LRRC1: variants seen among roughly 807,000 people sequenced by gnomAD.
LRRC1 encodes leucine rich repeat containing 1.
In LRRC1, 28 loss-of-function variants were observed where a neutral mutation model predicts 69.9. The ratio of observed to expected loss-of-function variants is 0.40; its 90% confidence interval spans 0.30 to 0.55. LRRC1 has a LOEUF of 0.55. Ranked by LOEUF, LRRC1 falls within the 20% of genes least tolerant of loss-of-function variation. The pLI is 0.47. For synonymous variants in LRRC1, 236 were observed against 240.2 expected, an observed-to-expected ratio of 0.98 and a Z score of 0.16; for missense variants, 498 against 609.0, an observed-to-expected ratio of 0.82 and a Z score of 1.92.
intron 7 of LRRC1, among the ~76,000 whole-genome samples, chr6:53,897,587 T>C (rs1040821566): frequency 6.6e-6 from 1 of 152,204 alleles, no homozygotes; most frequent in Non-Finnish European, 1.5e-5. Flanking sequence ...ATATTTCCTT[T>C]AGTTTGTAAA....
chr6:53,889,716 G>A (rs780747631), intron 4 of LRRC1, among the ~76,000 whole-genome samples: 3 of 152,094 alleles, frequency 2.0e-5, no homozygotes, highest in Non-Finnish European at 4.4e-5. Context: ...TAGTGGTGAT[G>A]TTTCTATACC....
Position 53,795,398 on chromosome 6 carries a change from C to G in LRRC1, c.142C>G (p.Leu48Val), listed in dbSNP as rs1283050409. 6.2e-7 allele frequency: 1 copy of G among 1,612,618 alleles called. No individual in the cohort carries two copies. The highest frequency in any genetic ancestry group is 1.3e-5 in the African/African-American group (1 of 75,052). ...LEELLLDANQ[L>V]RELPEQFFQL... ...GGAGCTGCTGCTGGACGCCAACCAG[C>G]TCCGCGAGCTGCCCGAGGTAAGGGT... is the stretch of plus-strand genomic sequence containing the variant. Residue 48 changes from leucine to valine, a missense_variant, in exon 1 of 14, where the codon CTC (leucine) becomes GTC (valine). Coordinates refer to ENST00000370888, the MANE Select transcript of LRRC1 (RefSeq NM_018214.5).
Position 53,840,889 on chromosome 6 carries a change from T to C in LRRC1, c.160-1221T>C, listed in dbSNP as rs1045253787. Reference sequence around the variant, plus strand: ...TGGGGTGGGGGGGTATGTGTTTGTGTGTGTGTGTGTGTGTGTGTGTGTGTG... The same window carrying C: ...TGGGGTGGGGGGGTATGTGTTTGTGCGTGTGTGTGTGTGTGTGTGTGTGTG... On this transcript the variant is annotated intron_variant, in intron 1 of 13. Transcript: ENST00000370888. 6.0e-4 allele frequency among the ~76,000 whole-genome samples: 46 copies of C among 76,238 alleles called. 1 individual carries two copies. Among genetic ancestry groups the C allele is most frequent in the Middle Eastern group, 6.9e-3 (1 of 144 alleles). 50.0% of individuals were successfully genotyped at this position (76,238 alleles called of 152,430 possible).
intron 2 of LRRC1, among the ~76,000 whole-genome samples, chr6:53,859,633 C>G (rs1428628596): frequency 6.6e-6 from 1 of 152,084 alleles, no homozygotes; most frequent in Non-Finnish European, 1.5e-5. Flanking sequence ...ATTCAAGCAT[C>G]TATTATAATG....
intron 1 of LRRC1, among the ~76,000 whole-genome samples, chr6:53,837,758 T>G (rs1765653769): frequency 6.6e-6 from 1 of 152,122 alleles, no homozygotes; most frequent in African/African-American, 2.4e-5. Context: ...AGGGAGGTAC[T>G]AACACTTTAC....
At chr6:53,802,406 A>G (rs528746546) in intron 1 of LRRC1, among the ~76,000 whole-genome samples, 1 of 152,300 alleles carries the variant, frequency 6.6e-6, no homozygotes, top group East Asian at 1.9e-4. Flanking sequence ...TCTTTCTACT[A>G]TGCCGCCTTG....
chr6:53,892,011 T>TATATATAC (rs1428852703), intron 4 of LRRC1, among the ~76,000 whole-genome samples: 4 of 135,340 alleles, frequency 3.0e-5, no homozygotes, highest in African/African-American at 1.1e-4. Flanking sequence ...TATATATATA[T>TATATATAC]ACACACACAC....
At chr6:53,921,589 G>A (rs888732321) in intron 13 of LRRC1, among the ~76,000 whole-genome samples, 7 of 152,104 alleles carry the variant, frequency 4.6e-5, no homozygotes, top group South Asian at 2.1e-4. Context: ...TGAAAATTTC[G>A]TCTCTCAGAC....
At chr6:53,796,940 A>G (rs980981915) in intron 1 of LRRC1, among the ~76,000 whole-genome samples, 3 of 152,198 alleles carry the variant, frequency 2.0e-5, no homozygotes, top group African/African-American at 7.2e-5. Flanking sequence ...TAGAATATGT[A>G]ATTTAATAGT....
intron 4 of LRRC1, among the ~76,000 whole-genome samples, chr6:53,884,661 G>T (rs1767415077): frequency 1.3e-5 from 2 of 152,114 alleles, no homozygotes; most frequent in South Asian, 4.2e-4. Flanking sequence ...TGCCTAGATG[G>T]TTCTCCTTTC....
intron 10 of LRRC1, among the ~76,000 whole-genome samples, chr6:53,907,954 G>A (rs1299108402): frequency 3.9e-5 from 6 of 152,050 alleles, no homozygotes; most frequent in African/African-American, 1.4e-4. Context: ...GGCTAGATTT[G>A]CTTTATTTGC....
At chr6:53,920,459 G>A (rs370583469) in intron 12 of LRRC1, 166 bp from the exon 13 acceptor site, 12 of 577,666 alleles carry the variant, frequency 2.1e-5, no homozygotes, top group Non-Finnish European at 3.3e-5. Context: ...TGAATTTTGT[G>A]TGTGTTTGTG....
At chr6:53,892,017 C>T (rs62397107) in intron 4 of LRRC1, among the ~76,000 whole-genome samples, 51,875 of 145,748 alleles carry the variant, frequency 0.36, 9,450 homozygotes, top group Non-Finnish European at 0.41. Context: ...TATATACACA[C>T]ACACACACAC....
chr6:53,836,427 G>A (rs976254488), intron 1 of LRRC1, among the ~76,000 whole-genome samples: 1 of 152,108 alleles, frequency 6.6e-6, no homozygotes, highest in African/African-American at 2.4e-5. Context: ...TTGGCTTACT[G>A]CCAAACATAT....
chr6:53,911,786 T>G (rs9382254), intron 10 of LRRC1, among the ~76,000 whole-genome samples: 31,684 of 152,146 alleles, frequency 0.21, 4,004 homozygotes, highest in East Asian at 0.59. Flanking sequence ...TTGTCTAAAT[T>G]TATCAGAGAC....
intron 2 of LRRC1, among the ~76,000 whole-genome samples, chr6:53,868,423 C>G (rs990446510): frequency 3.9e-5 from 6 of 152,112 alleles, no homozygotes; most frequent in East Asian, 1.9e-4. Flanking sequence ...TGGGGTTTCC[C>G]CATGTTGGCC....
At chr6:53,884,532 A>G (rs1767409032) in intron 4 of LRRC1, among the ~76,000 whole-genome samples, 1 of 152,032 alleles carries the variant, frequency 6.6e-6, no homozygotes, top group South Asian at 2.1e-4. Flanking sequence ...ACACAAAAAA[A>G]TCTTAAATAT....
At chr6:53,904,862 C>T (rs1195017738) in intron 10 of LRRC1, 1 of 156,536 alleles carries the variant, frequency 6.4e-6, no homozygotes, top group Non-Finnish European at 1.4e-5. Context: ...AAAAATTGAT[C>T]TTGATGCAAC....
chr6:53,815,983 T>G lies in LRRC1; in HGVS notation c.159+20568T>G, dbSNP rs567728231. Among the ~76,000 whole-genome samples the G allele has an allele frequency of 2.6e-5, 4 of 152,318 alleles. 1 individual carries two copies. In the South Asian group the frequency reaches 8.3e-4, roughly 32 times the overall value. ...TACCCAAGCATGTTGCTGCTTTTAG[T>G]TTTCATCTCTGCTTTGTAACTTTTG... On this transcript the variant is annotated intron_variant, in intron 1 of 13. Coordinates refer to ENST00000370888, the MANE Select transcript of LRRC1 (RefSeq NM_018214.5).
Sources: allele counts gnomAD v4.1 joint callset (sites outside exome capture counted in the v4.1 genomes callset), GRCh38; gene constraint gnomAD v4.1.1; transcripts MANE v1.5; gene names NCBI Gene and HGNC (gene_info 2026-07-23, HGNC 2026-07-21).